The following FREM1 variants were observed in gnomAD, a reference collection of about 807,000 sequenced individuals.
FREM1 encodes the protein FRAS1-related extracellular matrix protein 1.
A neutral mutation model predicts 210.1 loss-of-function variants in FREM1; 220 were observed. The ratio of observed to expected loss-of-function variants is 1.05; its 90% CI spans 0.94 to 1.17. The LOEUF is 1.17. Ranked by LOEUF, FREM1 falls within the 50% of genes most tolerant of loss-of-function variation. The pLI, the probability that FREM1 is intolerant of heterozygous loss-of-function variation, is 0.00. For synonymous variants in FREM1, 1,189 were observed against 980.2 expected (o/e 1.21, Z -3.98); for missense variants, 3,454 against 2,675.5 (o/e 1.29, Z -6.42).
intron 30 of FREM1, among the ~76,000 whole-genome samples, chr9:14,749,231 A>G (rs1437108774): frequency 1.3e-5 from 2 of 152,192 alleles, no homozygotes; most frequent in Non-Finnish European, 2.9e-5. Context: ...TTCACATATA[A>G]GGTGTGTATA....
intron 29 of FREM1, among the ~76,000 whole-genome samples, chr9:14,754,876 G>A (rs775010312): frequency 3.2e-4 from 49 of 152,204 alleles, no homozygotes; most frequent in Non-Finnish European, 1.3e-4. Context: ...AGAGGTTGCA[G>A]TGAGCTGAGA....
intron 24 of FREM1, among the ~76,000 whole-genome samples, chr9:14,778,908 T>C (rs1849190234): frequency 6.6e-6 from 1 of 151,908 alleles, no homozygotes; most frequent in Non-Finnish European, 1.5e-5. Context: ...AAAAAGAAAA[T>C]AAAGGAACCT....
chr9:14,868,060 T>C lies in FREM1; in HGVS notation c.234+684A>G, dbSNP rs1200608576. ...AGATAATTTCAAAGAACAGTGAATA[T>C]TTAAAGTGAAGTATCTTCACATCTC... On this transcript the variant is annotated intron_variant, in intron 2 of 36. Transcript: ENST00000380880. Among the ~76,000 whole-genome samples, 4 of 152,196 alleles carry C rather than the reference T, an allele frequency of 2.6e-5. No individual in the cohort carries two copies. The East Asian group carries it at 7.7e-4, about 29-fold the overall frequency.
intron 29 of FREM1, among the ~76,000 whole-genome samples, chr9:14,750,679 G>T (rs971368847): frequency 5.9e-5 from 9 of 152,136 alleles, no homozygotes; most frequent in African/African-American, 2.2e-4. Context: ...GTGATTATTG[G>T]ATGGTACTTC....
intron 7 of FREM1, among the ~76,000 whole-genome samples, chr9:14,848,253 A>G (rs1459789343): frequency 5.9e-5 from 9 of 152,254 alleles, no homozygotes; most frequent in Non-Finnish European, 1.0e-4. Flanking sequence ...TCTTATTTAC[A>G]TATTTTAGTT....
intron 28 of FREM1, among the ~76,000 whole-genome samples, chr9:14,758,676 G>T (rs1844868004): frequency 7.1e-6 from 1 of 140,246 alleles, no homozygotes; most frequent in Non-Finnish European, 1.6e-5. Flanking sequence ...TCAGATGGTG[G>T]GGGGATGGGG....
In FREM1 at chr9:14,780,705, G is replaced by A. The variant is rs895354460; in HGVS notation, c.4442+3665C>T. On this transcript the variant is annotated intron_variant, in intron 24 of 36. Transcript: ENST00000380880. ...GCCATAGCTTACATTAAAAATGGAA[G>A]GGGGAAAATCCTCTGCCACAGAATT... Among the ~76,000 whole-genome samples the A allele has an allele frequency of 9.2e-5, 14 of 152,286 alleles. No homozygotes were observed. The South Asian group carries it at 2.5e-3, about 27-fold the overall frequency.
intron 21 of FREM1, 85 bp downstream of exon 21, chr9:14,797,413 G>C: frequency 4.5e-6 from 5 of 1,101,890 alleles, no homozygotes; most frequent in Non-Finnish European, 4.9e-6. Flanking sequence ...GCTTCTTTGG[G>C]AGACACACAC....
At chr9:14,814,079 C>T (rs765908210) in intron 15 of FREM1, among the ~76,000 whole-genome samples, 12 of 152,172 alleles carry the variant, frequency 7.9e-5, no homozygotes, top group Admixed American at 1.3e-4. Flanking sequence ...CCACTGCCCA[C>T]GTCTCTTCCC....
chr9:14,778,745 G>GAAGGC (rs1563908122), intron 24 of FREM1, among the ~76,000 whole-genome samples: 54 of 138,686 alleles, frequency 3.9e-4, no homozygotes, highest in African/African-American at 1.4e-3. Flanking sequence ...GAAGGGAAGG[G>GAAGGC]AAGGAAAGGA....
intron 20 of FREM1, 63 bp downstream of exon 20, chr9:14,801,589 A>G (rs930399515): frequency 2.6e-6 from 3 of 1,149,678 alleles, no homozygotes; most frequent in Middle Eastern, 2.0e-4. Flanking sequence ...GATTTCACAT[A>G]TAAGTATGGG....
rs754011305 is a variant in FREM1, at chr9:14,775,907, C to G, written c.4739G>C (p.Arg1580Pro). 1 of 1,613,760 alleles carries G rather than the reference C, an allele frequency of 6.2e-7. No individual in the cohort carries two copies. The highest frequency in any genetic ancestry group is 8.5e-7 in the Non-Finnish European group (1 of 1,179,844). ...AGTCTGGGAGTCCCCTCCTGAGTGC[C>G]GATAGGCCACATTCTTGCTGTCCAC... is the stretch of plus-strand genomic sequence containing the variant. ...QDVDSKNVAY[R>P]HSGGDSQTDC... is the part of the protein sequence containing the mutation. The change falls in exon 25 of 37, where the codon CGG (arginine) becomes CCG (proline). Residue 1580 changes from arginine to proline, a missense_variant. By Grantham distance (103) the Arg-to-Pro change is moderately radical. Coordinates refer to ENST00000380880, the MANE Select transcript of FREM1 (RefSeq NM_001379081.2).
rs779437827 is a variant in FREM1 at position 14,759,817 on chromosome 9, A to G, written c.5289T>C (p.Ile1763=). ...CENVGLLPLE[I]IRRGYSMDSA... is the part of the protein sequence containing the mutation. ...AGTCCATGGAATATCCCCTTCTGAT[A>G]ATTTCCAAGGGCAACAAACCCACAT... is the stretch of plus-strand genomic sequence containing the variant. Residue 1763 remains isoleucine (I), a synonymous_variant, in exon 28 of 37, where the codon ATT becomes ATC. Transcript: ENST00000380880. 6 of 1,612,784 alleles carry G rather than the reference A, an allele frequency of 3.7e-6. No homozygotes were observed. The Admixed American group carries it at 1.0e-4, about 27-fold the overall frequency.
At chr9:14,870,462 G>A (rs1479050548) in intron 1 of FREM1, among the ~76,000 whole-genome samples, 1 of 151,926 alleles carries the variant, frequency 6.6e-6, no homozygotes, top group Non-Finnish European at 1.5e-5. Context: ...ACATCTGGTT[G>A]TTTTGTTTTT....
chr9:14,805,847 C>A (rs1033451826), intron 18 of FREM1, among the ~76,000 whole-genome samples: 1 of 152,118 alleles, frequency 6.6e-6, no homozygotes, highest in Non-Finnish European at 1.5e-5. Context: ...TCTGTTTTTG[C>A]CTGAAATACA....
chr9:14,748,543 GT>G lies in FREM1; in HGVS notation c.5653del (p.Thr1885ProfsTer19). Reference protein sequence around the residue: ...HLLPPGSSSSTTSGSFHLERR... With the variant: ...HLLPPGSSSSXTSGSFHLERR... ...TTCCAGATGAAAGGAACCAGAAGTG[GT>G]GGATGAGGAAGACCCTGGGGGCAGC... On this transcript the variant is annotated frameshift_variant, in exon 31 of 37. Coordinates refer to ENST00000380880, the MANE Select transcript of FREM1 (RefSeq NM_001379081.2). LOFTEE classifies it high-confidence loss of function. 6.8e-6 allele frequency: 11 copies of G among 1,613,874 alleles called. No individual in the cohort carries two copies. Among genetic ancestry groups the G allele is most frequent in the Non-Finnish European group, 9.3e-6 (11 of 1,179,782 alleles).
chr9:14,895,629 G>A (rs1837573762), intron 1 of FREM1, among the ~76,000 whole-genome samples: 1 of 151,908 alleles, frequency 6.6e-6, no homozygotes, highest in Non-Finnish European at 1.5e-5. Context: ...CCTTACTGTT[G>A]TGGAATATAT....
chr9:14,801,659 G>C lies in FREM1; in HGVS notation c.3687C>G (p.Leu1229=). 1 of 1,605,094 alleles carries C rather than the reference G, an allele frequency of 6.2e-7. No homozygotes were observed. The highest frequency in any genetic ancestry group is 2.2e-5 in the East Asian group (1 of 44,842). The change falls in exon 20 of 37, where the codon CTC becomes CTG. Residue 1229 remains leucine, a synonymous_variant. Transcript: ENST00000380880. ...APVHSFSMEL[L]KTGMRLTYMH... ...AAGTGGAACATGCTATACCAGTCTT[G>C]AGGAGTTCCATGGAAAAGCTGTGAA...
Position 14,788,985 on chromosome 9 carries a change from G to T in FREM1, c.4111C>A (p.Leu1371Ile). 6.2e-7 allele frequency: 1 copy of T among 1,613,066 alleles called. No homozygotes were observed. The highest frequency in any genetic ancestry group is 8.5e-7 in the Non-Finnish European group (1 of 1,179,570). The change falls in exon 23 of 37, where the codon CTT becomes ATT. Residue 1371 changes from leucine to isoleucine, a missense_variant. Coordinates refer to ENST00000380880, the MANE Select transcript of FREM1 (RefSeq NM_001379081.2). ...GGGGACCTGTTGTTGCCATCCCAAAGGTAGAAGGTGAAGCTATCTTGATTC... is the reference window on the plus strand; with the variant it reads ...GGGGACCTGTTGTTGCCATCCCAAATGTAGAAGGTGAAGCTATCTTGATTC... ...SQNQDSFTFY[L>I]WDGNNRSPAL...
Sources: gnomAD v4.1 joint callset for allele counts (sites outside exome capture counted in the v4.1 genomes callset) on GRCh38, gnomAD v4.1.1 for gene constraint, MANE v1.5 for transcripts, NCBI Gene and HGNC (gene_info 2026-07-23, HGNC 2026-07-21) for gene names.